Variants in COL17A1 observed in about 807,000 individuals in gnomAD.
The protein encoded by COL17A1 is collagen alpha-1(XVII) chain.
In COL17A1, 181 loss-of-function variants were observed where a neutral mutation model predicts 218.4. The ratio of observed to expected loss-of-function variants is 0.83; its 90% CI spans 0.73 to 0.94. The LOEUF (loss-of-function observed/expected upper bound fraction) is 0.94. COL17A1 is among the 40% of genes least tolerant of loss of function. The probability of loss-of-function intolerance (pLI) is 0.00; values close to 1 mark genes in which losing one functional copy is unlikely to be tolerated. For synonymous variants in COL17A1, 721 were observed against 731.0 expected (o/e 0.99, Z 0.22); for missense variants, 1,924 against 1,945.9 (o/e 0.99, Z 0.21).
chr10:104,067,583 A>G (rs1367576675), intron 9 of COL17A1, among the ~76,000 whole-genome samples: 1 of 152,216 alleles, frequency 6.6e-6, no homozygotes, highest in African/African-American at 2.4e-5. Flanking sequence ...GAGGGGAGCC[A>G]CGGCATGGCT....
chr10:104,040,078 T>C, intron 40 of COL17A1, 79 bp from the exon 41 acceptor site: 1 of 1,501,780 alleles, frequency 6.7e-7, no homozygotes, highest in Non-Finnish European at 9.3e-7. Context: ...GAGGAGGGGA[T>C]AGGGGCTCCA....
intron 46 of COL17A1, 138 bp from the exon 47 acceptor site, chr10:104,037,251 T>C: frequency 3.7e-6 from 3 of 805,538 alleles, no homozygotes; most frequent in Non-Finnish European, 6.3e-6. Context: ...ACGAGGCTAT[T>C]TTGAAAGCAT....
At chr10:104,058,388 A>G (rs1168049718) in intron 15 of COL17A1, among the ~76,000 whole-genome samples, 198 bp from the exon 16 acceptor site, 1 of 152,226 alleles carries the variant, frequency 6.6e-6, no homozygotes, top group Admixed American at 6.5e-5. Flanking sequence ...TTGGCAAACA[A>G]TTAATGGTGG....
Position 104,037,708 on chromosome 10 carries a change from G to A in COL17A1, c.3136C>T (p.Pro1046Ser). The A allele has an allele frequency of 6.2e-7, 1 of 1,614,186 alleles. No individual in the cohort carries two copies. Among genetic ancestry groups the A allele is most frequent in the South Asian group, 1.1e-5 (1 of 91,090 alleles). The change falls in exon 46 of 56, where the codon CCT becomes TCT. Residue 1046 changes from proline (P) to serine (S), a missense_variant. Pro to Ser is a moderately conservative substitution (Grantham distance 74). Transcript: ENST00000648076. Reference sequence around the variant, plus strand: ...GTCTCGCCTGTGATGGTGGTGACAGGTCCTGGGGGACCAGGTGGGCCTGGG... The same window carrying A: ...GTCTCGCCTGTGATGGTGGTGACAGATCCTGGGGGACCAGGTGGGCCTGGG... ...GPPGPPGPPG[P>S]VTTITGETFD...
At chr10:104,055,702 A>G (rs761377642) in intron 18 of COL17A1, 80 bp downstream of exon 18, 388 of 1,570,496 alleles carry the variant, frequency 2.5e-4, no homozygotes, top group Non-Finnish European at 3.2e-4. Flanking sequence ...TGGTGCTCAC[A>G]GCACATGCAC....
In COL17A1 at chr10:104,039,961, G is replaced by T. The variant is rs1001587127; in HGVS notation, c.2788+12C>A. 6.2e-7 allele frequency: 1 copy of T among 1,614,148 alleles called. No homozygotes were observed. The highest frequency in any genetic ancestry group is 8.5e-7 in the Non-Finnish European group (1 of 1,180,028). On this transcript the variant is annotated intron_variant, in intron 41 of 55. Coordinates refer to ENST00000648076, the MANE Select transcript of COL17A1 (RefSeq NM_000494.4). ...CTACCCCAGGTTTTGTTTGATGCCG[G>T]CTCTACTGTACCTTGGTGTCCTCTG...
chr10:104,047,900 C>G (rs1267681097), intron 30 of COL17A1, 90 bp from the exon 31 acceptor site: 1 of 1,415,800 alleles, frequency 7.1e-7, no homozygotes, highest in African/African-American at 1.4e-5. Flanking sequence ...TGAGGGTTTT[C>G]CTAATTGACT....
At chr10:104,056,887 C>T in intron 17 of COL17A1, 88 bp downstream of exon 17, 1 of 1,545,594 alleles carries the variant, frequency 6.5e-7, no homozygotes, top group Non-Finnish European at 8.7e-7. Context: ...AACACGTGGG[C>T]CCATTCACAG....
intron 42 of COL17A1, 26 bp from the exon 43 acceptor site, chr10:104,039,545 C>A: frequency 6.2e-7 from 1 of 1,614,130 alleles, no homozygotes; most frequent in Non-Finnish European, 8.5e-7. Context: ...ACACACAGTG[C>A]AGTCAGCCAG....
At chr10:104,084,898 A>T (rs1308615178) in intron 1 of COL17A1, among the ~76,000 whole-genome samples, 1 of 152,200 alleles carries the variant, frequency 6.6e-6, no homozygotes, top group East Asian at 1.9e-4. Flanking sequence ...TAGACTACTG[A>T]TTAACTACTT....
intron 9 of COL17A1, among the ~76,000 whole-genome samples, chr10:104,067,334 T>TAAAAAA (rs58260510): frequency 3.6e-5 from 4 of 110,424 alleles, no homozygotes; most frequent in South Asian, 3.1e-4. Flanking sequence ...GGCTCAGGAA[T>TAAAAAA]AAAAAAAAAA....
chr10:104,033,677 G>A (rs897107092), intron 52 of COL17A1, among the ~76,000 whole-genome samples: 4 of 152,186 alleles, frequency 2.6e-5, no homozygotes, highest in African/African-American at 9.7e-5. Context: ...ATGGTCATAT[G>A]ACTCATCTGG....
At chr10:104,059,844 C>T (rs1345157963) in intron 14 of COL17A1, 126 bp from the exon 15 acceptor site, 26 of 1,093,350 alleles carry the variant, frequency 2.4e-5, no homozygotes, top group Non-Finnish European at 3.4e-5. Context: ...TAAGAAGAGC[C>T]CCTCTTTCCT....
In COL17A1 at chr10:104,070,472, C is replaced by G. The variant is rs1411248026; in HGVS notation, c.561G>C (p.Lys187Asn). 1 of 1,614,194 alleles carries G rather than the reference C, an allele frequency of 6.2e-7. No homozygotes were observed. The highest frequency in any genetic ancestry group is 1.3e-5 in the African/African-American group (1 of 75,052). The stretch of plus-strand genomic sequence containing the variant: ...CAATTTTGGTCTCCACAGTGCCTTT[C>G]TTGGGGATGGGGAGTGTGTTGGAGG... ...RNSSNTLPIP[K>N]KGTVETKIVT... Residue 187 changes from lysine to asparagine, a missense_variant, in exon 9 of 56, where the codon AAG becomes AAC. Transcript: ENST00000648076.
intron 1 of COL17A1, among the ~76,000 whole-genome samples, chr10:104,083,259 C>A (rs184857407): frequency 1.3e-5 from 2 of 152,146 alleles, no homozygotes; most frequent in East Asian, 3.9e-4. Flanking sequence ...GGAAAAGGAA[C>A]GTTTCCTGCC....
intron 11 of COL17A1, 149 bp from the exon 12 acceptor site, chr10:104,062,478 C>T (rs1047495212): frequency 4.6e-5 from 50 of 1,086,604 alleles, no homozygotes; most frequent in East Asian, 3.1e-4. Flanking sequence ...CTCTTTGTAA[C>T]GTAGTAAATT....
intron 15 of COL17A1, among the ~76,000 whole-genome samples, chr10:104,059,087 T>C (rs2086557807): frequency 6.6e-6 from 1 of 152,250 alleles, no homozygotes; most frequent in African/African-American, 2.4e-5. Context: ...CAGGAACTGC[T>C]AACTTTAAAG....
At chr10:104,051,625 G>T in intron 24 of COL17A1, 109 bp from the exon 25 acceptor site, 1 of 1,383,964 alleles carries the variant, frequency 7.2e-7, no homozygotes, top group Non-Finnish European at 1.0e-6. Context: ...CCAGGTGAGG[G>T]CTGTGTGAGT....
chr10:104,071,956 G>GCACA (rs112689627), intron 8 of COL17A1, 76 bp downstream of exon 8: 106 of 1,407,054 alleles, frequency 7.5e-5, no homozygotes, highest in Middle Eastern at 3.7e-4. Flanking sequence ...ACACACGCAT[G>GCACA]CACACACACA....
Sources: gnomAD v4.1 joint callset for allele counts (sites outside exome capture counted in the v4.1 genomes callset) on GRCh38, gnomAD v4.1.1 for gene constraint, MANE v1.5 for transcripts, NCBI Gene and HGNC (gene_info 2026-07-23, HGNC 2026-07-21) for gene names.